The following CYP2J2 variants were observed in gnomAD, a reference collection of about 807,000 sequenced individuals.
CYP2J2 encodes the protein cytochrome P450 family 2 subfamily J member 2, also known as cytochrome P450 2J2.
CYP2J2 carries 41 observed loss-of-function variants against 48.8 expected under a neutral mutation model. That is an observed-to-expected ratio of 0.84 (90% CI 0.66 to 1.09). The LOEUF (loss-of-function observed/expected upper bound fraction) is 1.09. Among genes scored for constraint, CYP2J2 ranks in the 50% least tolerant of loss-of-function variants. CYP2J2 has a pLI of 0.00. For missense variants in CYP2J2, 644 were observed against 617.3 expected (o/e 1.04, Z -0.46); for synonymous variants, 221 against 227.1 (o/e 0.97, Z 0.24).
rs574948463 is a variant in CYP2J2 at position 59,906,103 on chromosome 1, A to G, written c.1004-1045T>C. Among the ~76,000 whole-genome samples, 603 of 152,198 alleles carry G rather than the reference A, an allele frequency of 4.0e-3. 3 individuals carry two copies. Among genetic ancestry groups the G allele is most frequent in the African/African-American group, 0.014 (574 of 41,538 alleles). ...CGGGAGGCTGAGGCAGGAGAATGGC[A>G]TGAACCCAGGAGGCAGAGCTTGCAG... On this transcript the variant is annotated intron_variant, in intron 6 of 8. Transcript: ENST00000371204.
chr1:59,959,017 G>A, the CYP2J2 span, among the ~76,000 whole-genome samples: 6 of 151,788 alleles, frequency 4.0e-5, no homozygotes, highest in Admixed American at 3.9e-4. Context: ...TATATTTTTT[G>A]CTTTCCTCCT....
the CYP2J2 span, among the ~76,000 whole-genome samples, chr1:59,932,199 A>C: frequency 6.6e-6 from 1 of 152,146 alleles, no homozygotes; most frequent in South Asian, 2.1e-4. Context: ...GAAAGTCTGA[A>C]GGCTAATCTA....
chr1:59,894,242 A>G (rs1049894420), intron 8 of CYP2J2, among the ~76,000 whole-genome samples: 3 of 152,248 alleles, frequency 2.0e-5, no homozygotes, highest in Admixed American at 6.5e-5. Context: ...TGTTGAAAAT[A>G]TAAGGAAATA....
chr1:59,923,238 A>G lies in CYP2J2; in HGVS notation c.210+3299T>C, dbSNP rs553383106. 5.9e-5 allele frequency among the ~76,000 whole-genome samples: 9 copies of G among 152,356 alleles called. No homozygotes were observed. In the South Asian group the frequency reaches 1.9e-3, roughly 32 times the overall value. On this transcript the variant is annotated intron_variant, in intron 1 of 8. Transcript: ENST00000371204. ...TGGGCTCCTGTGGGAGTGGGTAATA[A>G]AAGTGGAGTAGACCAGAATAGCACT... is the stretch of plus-strand genomic sequence containing the variant.
the CYP2J2 span, among the ~76,000 whole-genome samples, chr1:59,947,603 CTA>C: frequency 6.6e-6 from 1 of 152,170 alleles, no homozygotes; most frequent in African/African-American, 2.4e-5. Context: ...TTTCCAACCA[CTA>C]TGTCTCCAGA....
chr1:59,928,023 C>T (rs11572186), upstream of CYP2J2, among the ~76,000 whole-genome samples: 156 of 152,240 alleles, frequency 1.0e-3, no homozygotes, highest in African/African-American at 3.3e-3. Flanking sequence ...TATTTTTACA[C>T]GAATTATTCT....
chr1:59,937,783 G>T, the CYP2J2 span, among the ~76,000 whole-genome samples: 1 of 151,820 alleles, frequency 6.6e-6, no homozygotes, highest in African/African-American at 2.4e-5. Context: ...TTCTTCTGAT[G>T]TGTATTGTCA....
At chr1:59,938,472 A>C in the CYP2J2 span, among the ~76,000 whole-genome samples, 1 of 152,240 alleles carries the variant, frequency 6.6e-6, no homozygotes, top group African/African-American at 2.4e-5. Context: ...CTATGCCTGG[A>C]TGTGCACGTA....
the CYP2J2 span, among the ~76,000 whole-genome samples, chr1:59,958,278 G>A: frequency 6.6e-6 from 1 of 152,096 alleles, no homozygotes; most frequent in Non-Finnish European, 1.5e-5. Context: ...AACATTTCAC[G>A]TTACCCAATG....
At chr1:59,935,904 G>C in the CYP2J2 span, among the ~76,000 whole-genome samples, 17 of 152,298 alleles carry the variant, frequency 1.1e-4, no homozygotes, top group African/African-American at 4.1e-4. Context: ...CTCCTGAGTA[G>C]CTGGGATTAC....
intron 1 of CYP2J2, among the ~76,000 whole-genome samples, chr1:59,920,015 A>G (rs551701810): frequency 6.6e-6 from 1 of 152,144 alleles, no homozygotes; most frequent in South Asian, 2.1e-4. Context: ...AAAAAAATGG[A>G]ATGCACAGCA....
chr1:59,913,559 CCATTTGAGTGT>C (rs1327948489), intron 2 of CYP2J2, among the ~76,000 whole-genome samples: 1 of 152,138 alleles, frequency 6.6e-6, no homozygotes, highest in Non-Finnish European at 1.5e-5. Context: ...CATCATCTAC[CCATTTGAGTGT>C]CACCTCAACA....
chr1:59,899,468 C>T (rs186551159), intron 8 of CYP2J2, among the ~76,000 whole-genome samples: 10 of 152,288 alleles, frequency 6.6e-5, no homozygotes, highest in Admixed American at 4.6e-4. Flanking sequence ...TGGGTCATTC[C>T]GTTTCTGCCC....
intron 3 of CYP2J2, 103 bp downstream of exon 3, chr1:59,912,059 A>C: frequency 1.6e-6 from 2 of 1,255,220 alleles, no homozygotes; most frequent in Admixed American, 2.8e-5. Context: ...TTCCATTCCT[A>C]GCACAGTGCT....
chr1:59,911,592 G>A lies in CYP2J2; in HGVS notation c.684+16C>T, dbSNP rs754141172. The A allele has an allele frequency of 6.3e-7, 1 of 1,585,260 alleles. No individual in the cohort carries two copies. Among genetic ancestry groups the A allele is most frequent in the South Asian group, 1.2e-5 (1 of 86,408 alleles). On this transcript the variant is annotated intron_variant, in intron 4 of 8. Transcript: ENST00000371204. ...CCAATTTACTGAACAAAGATATGGA[G>A]AGACAGCTGCCTTACCTGGCATGTC...
chr1:59,954,798 G>A, the CYP2J2 span, among the ~76,000 whole-genome samples: 1 of 152,042 alleles, frequency 6.6e-6, no homozygotes, highest in Non-Finnish European at 1.5e-5. Flanking sequence ...ATCAAGTGAA[G>A]CTGGGTTACA....
At chr1:59,941,475 G>C in the CYP2J2 span, among the ~76,000 whole-genome samples, 1 of 152,164 alleles carries the variant, frequency 6.6e-6, no homozygotes, top group Non-Finnish European at 1.5e-5. Flanking sequence ...TATGTTACTA[G>C]TTTATGTACT....
intron 1 of CYP2J2, among the ~76,000 whole-genome samples, chr1:59,918,901 C>T (rs1201892300): frequency 6.6e-6 from 1 of 151,908 alleles, no homozygotes; most frequent in Admixed American, 6.6e-5. Flanking sequence ...TAAATGTTTA[C>T]AGTAAAGAGG....
At chr1:59,931,887 A>C in the CYP2J2 span, among the ~76,000 whole-genome samples, 2 of 152,150 alleles carry the variant, frequency 1.3e-5, no homozygotes, top group African/African-American at 4.8e-5. Context: ...AGAAATCAGG[A>C]TAATTTGAGA....
Sources: allele counts gnomAD v4.1 joint callset (sites outside exome capture counted in the v4.1 genomes callset), GRCh38; gene constraint gnomAD v4.1.1; transcripts MANE v1.5; gene names NCBI Gene and HGNC (gene_info 2026-07-23, HGNC 2026-07-21).